Variants in PELI2 observed in about 807,000 individuals in gnomAD.
PELI2 encodes the protein pellino E3 ubiquitin protein ligase family member 2, also known as E3 ubiquitin-protein ligase pellino homolog 2.
In PELI2, 23 loss-of-function variants were observed where a neutral mutation model predicts 42.3. That is an observed-to-expected ratio of 0.54 (90% confidence interval 0.39 to 0.77). The LOEUF is 0.77. PELI2 is among the 30% of genes least tolerant of loss of function. The probability of loss-of-function intolerance (pLI) is 0.00; values close to 1 mark genes in which losing one functional copy is unlikely to be tolerated. For synonymous variants in PELI2, 245 were observed against 212.2 expected (o/e 1.15, Z -1.34); for missense variants, 463 against 553.2 (o/e 0.84, Z 1.64).
chr14:56,293,982 T>C (rs897695564), intron 5 of PELI2, among the ~76,000 whole-genome samples: 1 of 152,078 alleles, frequency 6.6e-6, no homozygotes, highest in Non-Finnish European at 1.5e-5. Flanking sequence ...TTGCCTGTGG[T>C]CAGCAAGGTC....
At chr14:56,226,870 G>A (rs1407548004) in intron 2 of PELI2, among the ~76,000 whole-genome samples, 1 of 152,162 alleles carries the variant, frequency 6.6e-6, no homozygotes, top group East Asian at 1.9e-4. Context: ...CATGTTTGGT[G>A]ATAATCAAAT....
intron 3 of PELI2, among the ~76,000 whole-genome samples, chr14:56,282,334 T>C (rs1421875390): frequency 6.6e-6 from 1 of 152,120 alleles, no homozygotes; most frequent in Non-Finnish European, 1.5e-5. Flanking sequence ...TGGTAATATA[T>C]ATTCCATTAA....
intron 1 of PELI2, among the ~76,000 whole-genome samples, chr14:56,168,917 C>T (rs371629375): frequency 2.0e-5 from 3 of 151,842 alleles, no homozygotes; most frequent in African/African-American, 2.4e-5. Flanking sequence ...CTGGGTCCTT[C>T]CCTTCAAGGC....
chr14:56,183,648 G>C (rs1405664366), intron 2 of PELI2, among the ~76,000 whole-genome samples: 1 of 152,104 alleles, frequency 6.6e-6, no homozygotes, highest in African/African-American at 2.4e-5. Flanking sequence ...TAAAATTTCA[G>C]TCATTATTGA....
chr14:56,248,317 C>A (rs1254887563), intron 2 of PELI2, among the ~76,000 whole-genome samples: 1 of 151,916 alleles, frequency 6.6e-6, no homozygotes, highest in African/African-American at 2.4e-5. Context: ...TTAATTTATT[C>A]TTTAACTTTT....
intron 2 of PELI2, among the ~76,000 whole-genome samples, chr14:56,235,307 A>C (rs913472753): frequency 2.0e-5 from 3 of 152,242 alleles, no homozygotes; most frequent in Non-Finnish European, 4.4e-5. Context: ...AGATTATTAT[A>C]ACTACAATGT....
At chr14:56,227,213 G>A (rs895450671) in intron 2 of PELI2, among the ~76,000 whole-genome samples, 2 of 152,194 alleles carry the variant, frequency 1.3e-5, no homozygotes, top group Non-Finnish European at 2.9e-5. Context: ...ACTGGGCCAG[G>A]GCAGGCCAGC....
chr14:56,247,810 C>T (rs1888214646), intron 2 of PELI2, among the ~76,000 whole-genome samples: 1 of 152,148 alleles, frequency 6.6e-6, no homozygotes, highest in Non-Finnish European at 1.5e-5. Context: ...CGAGACAGAC[C>T]TTGTCAGATG....
chr14:56,212,199 T>C (rs1023695702), intron 2 of PELI2, among the ~76,000 whole-genome samples: 1 of 152,232 alleles, frequency 6.6e-6, no homozygotes, highest in African/African-American at 2.4e-5. Context: ...GGGAACTGTG[T>C]CTGAAGTCTA....
chr14:56,208,308 G>C (rs1190186371), intron 2 of PELI2, among the ~76,000 whole-genome samples: 1 of 152,224 alleles, frequency 6.6e-6, no homozygotes, highest in Non-Finnish European at 1.5e-5. Context: ...CAGAAGAGAT[G>C]TCATCTAAGA....
intron 1 of PELI2, among the ~76,000 whole-genome samples, chr14:56,129,101 G>T (rs1447638004): frequency 6.6e-6 from 1 of 152,142 alleles, no homozygotes; most frequent in Non-Finnish European, 1.5e-5. Flanking sequence ...AAGGACCTGG[G>T]CCCAGTAAAG....
chr14:56,282,994 TTCAAA>T (rs1889529945), intron 3 of PELI2, among the ~76,000 whole-genome samples: 1 of 152,188 alleles, frequency 6.6e-6, no homozygotes, highest in African/African-American at 2.4e-5. Context: ...ACCACTTAAA[TTCAAA>T]AACTACTGTG....
At chr14:56,241,059 G>A (rs1887957858) in intron 2 of PELI2, among the ~76,000 whole-genome samples, 1 of 151,984 alleles carries the variant, frequency 6.6e-6, no homozygotes, top group South Asian at 2.1e-4. Flanking sequence ...TTGGCTCCTG[G>A]AACACTGGAA....
chr14:56,158,863 GA>G (rs537144207), intron 1 of PELI2, among the ~76,000 whole-genome samples: 37 of 152,226 alleles, frequency 2.4e-4, no homozygotes, highest in African/African-American at 8.7e-4. Context: ...TTATTGGAAA[GA>G]AAAATAAAAG....
At chr14:56,155,240 G>GTT (rs35149171) in intron 1 of PELI2, among the ~76,000 whole-genome samples, 5 of 146,872 alleles carry the variant, frequency 3.4e-5, no homozygotes, top group African/African-American at 1.3e-4. Flanking sequence ...AATCTGTTGG[G>GTT]TTTTTTTTTT....
intron 2 of PELI2, among the ~76,000 whole-genome samples, chr14:56,224,325 A>G (rs142868859): frequency 3.9e-5 from 6 of 152,282 alleles, no homozygotes; most frequent in East Asian, 1.9e-4. Context: ...TGTTTACTCA[A>G]TCTGTCTTGA....
chr14:56,218,039 GA>G (rs1301622106), intron 2 of PELI2, among the ~76,000 whole-genome samples: 1 of 152,132 alleles, frequency 6.6e-6, no homozygotes, highest in African/African-American at 2.4e-5. Flanking sequence ...TTTTATATAT[GA>G]AAAAATTGAG....
chr14:56,152,328 G>A (rs1884392273), intron 1 of PELI2, among the ~76,000 whole-genome samples: 1 of 152,104 alleles, frequency 6.6e-6, no homozygotes, highest in African/African-American at 2.4e-5. Context: ...CCTACTTCAC[G>A]GGGTTATAGG....
At chr14:56,234,140 G>T (rs1053344860) in intron 2 of PELI2, among the ~76,000 whole-genome samples, 10 of 152,266 alleles carry the variant, frequency 6.6e-5, no homozygotes, top group South Asian at 6.2e-4. Flanking sequence ...GGAACACTTT[G>T]ACACTGTTGG....
Sources: gnomAD v4.1 joint callset for allele counts (sites outside exome capture counted in the v4.1 genomes callset) on GRCh38, gnomAD v4.1.1 for gene constraint, MANE v1.5 for transcripts, NCBI Gene and HGNC (gene_info 2026-07-23, HGNC 2026-07-21) for gene names.